The following FAM20B variants were observed in gnomAD, a reference collection of about 807,000 sequenced individuals.
The protein encoded by FAM20B is glycosaminoglycan xylosylkinase.
FAM20B carries 23 observed loss-of-function variants against 43.8 expected under a neutral mutation model. The observed-to-expected ratio is 0.53, with a 90% CI of 0.38 to 0.74. The LOEUF (loss-of-function observed/expected upper bound fraction) is 0.74, where lower values mean the gene tolerates loss of function less well. Among genes scored for constraint, FAM20B ranks in the 30% least tolerant of loss-of-function variants. The probability of loss-of-function intolerance (pLI) is 0.00; values close to 1 mark genes in which losing one functional copy is unlikely to be tolerated. For missense variants in FAM20B, 440 were observed against 510.5 expected (o/e 0.86, Z 1.33); for synonymous variants, 178 against 192.4 (o/e 0.93, Z 0.62).
chr1:179,072,404 G>A lies in FAM20B; in HGVS notation c.*260G>A. On this transcript the variant is annotated 3_prime_UTR_variant, in exon 8 of 8. Transcript: ENST00000263733. ...ATTCTAGGGTTGGGCATCATAGTTG[G>A]TCAGTCTTAATTCCCATGCCAAAGG... 2.1e-6 allele frequency: 1 copy of A among 481,374 alleles called. No individual in the cohort carries two copies. Among genetic ancestry groups the A allele is most frequent in the East Asian group, 3.8e-5 (1 of 26,616 alleles). The allele number at this position is 481,374 out of a possible 1,614,324, so 29.8% of individuals were successfully genotyped here. A position where few individuals can be genotyped will look rare whatever the true frequency, so the allele number is the denominator to read the frequency against.
intron 1 of FAM20B, among the ~76,000 whole-genome samples, chr1:179,041,725 C>T (rs1394277920): frequency 2.3e-5 from 3 of 128,582 alleles, no homozygotes; most frequent in African/African-American, 7.4e-5. Flanking sequence ...AGACGGGAGA[C>T]GGGCCGGGAG....
At chr1:179,060,394 AC>A (rs1651414541) in intron 4 of FAM20B, among the ~76,000 whole-genome samples, 1 of 152,018 alleles carries the variant, frequency 6.6e-6, no homozygotes, top group Admixed American at 6.5e-5. Context: ...GCGGAATAGT[AC>A]CAGTCTGTGG....
chr1:179,070,612 C>T (rs1321522145), intron 7 of FAM20B, among the ~76,000 whole-genome samples: 7 of 149,132 alleles, frequency 4.7e-5, no homozygotes, highest in African/African-American at 1.7e-4. Flanking sequence ...GCAACCTCCA[C>T]CTCCCGGGTT....
intron 1 of FAM20B, among the ~76,000 whole-genome samples, chr1:179,027,396 G>A (rs966345302): frequency 2.0e-5 from 3 of 152,136 alleles, no homozygotes; most frequent in African/African-American, 4.8e-5. Context: ...TCGTTATCAC[G>A]ACTGTCTGAG....
Position 179,025,983 on chromosome 1 carries a change from G to C in FAM20B, c.-249G>C, listed in dbSNP as rs1240983392. The C allele has an allele frequency of 6.8e-6, 1 of 147,236 alleles. No homozygotes were observed. Among genetic ancestry groups the C allele is most frequent in the Non-Finnish European group, 1.5e-5 (1 of 65,750 alleles). 9.1% of individuals were successfully genotyped at this position (147,236 alleles called of 1,614,324 possible). A position where few individuals can be genotyped will look rare whatever the true frequency, so the allele number is the denominator to read the frequency against. ...CGGAGCCGCTGTGGCGGCGGCGGCGGCTGGGGGCGGTGAGCGCGGCGTGGG... is the reference window on the plus strand; with the variant it reads ...CGGAGCCGCTGTGGCGGCGGCGGCGCCTGGGGGCGGTGAGCGCGGCGTGGG... On this transcript the variant is annotated 5_prime_UTR_variant, in exon 1 of 8. Transcript: ENST00000263733.
chr1:179,029,032 C>T (rs113152802), intron 1 of FAM20B, among the ~76,000 whole-genome samples: 8 of 152,348 alleles, frequency 5.3e-5, no homozygotes, highest in African/African-American at 1.9e-4. Context: ...AGGTTCCAGT[C>T]AAGTGCAGCT....
intron 1 of FAM20B, among the ~76,000 whole-genome samples, chr1:179,026,485 G>T (rs1196169435): frequency 3.3e-5 from 5 of 152,146 alleles, no homozygotes; most frequent in Non-Finnish European, 7.4e-5. Context: ...GGTCCCCAGA[G>T]GCGATTGGCC....
intron 2 of FAM20B, among the ~76,000 whole-genome samples, chr1:179,046,674 TAAAG>T (rs766792708): frequency 6.9e-6 from 1 of 145,656 alleles, no homozygotes; most frequent in Non-Finnish European, 1.5e-5. Context: ...ATAAAATAAA[TAAAG>T]AGATGAGTTG....
the FAM20B span, among the ~76,000 whole-genome samples, chr1:179,019,091 G>A: frequency 6.6e-6 from 1 of 152,186 alleles, no homozygotes; most frequent in East Asian, 1.9e-4. Context: ...CACGCACAGT[G>A]GGGAGGGCCA....
intron 1 of FAM20B, among the ~76,000 whole-genome samples, chr1:179,027,007 G>A (rs1649818156): frequency 6.6e-6 from 1 of 152,214 alleles, no homozygotes; most frequent in East Asian, 1.9e-4. Flanking sequence ...GATGGATAAG[G>A]AGTTTCTAAT....
intron 1 of FAM20B, among the ~76,000 whole-genome samples, chr1:179,037,392 A>C (rs1650286305): frequency 6.6e-6 from 1 of 151,966 alleles, no homozygotes; most frequent in South Asian, 2.1e-4. Flanking sequence ...TAGAATCTGC[A>C]GAAGGAAATA....
chr1:179,020,380 C>T, the FAM20B span, among the ~76,000 whole-genome samples: 2 of 152,200 alleles, frequency 1.3e-5, no homozygotes, highest in Non-Finnish European at 2.9e-5. Flanking sequence ...CACCAAGGGG[C>T]AGCATCTGGA....
intron 4 of FAM20B, among the ~76,000 whole-genome samples, chr1:179,062,928 C>G (rs1651530526): frequency 6.6e-6 from 1 of 152,300 alleles, no homozygotes; most frequent in South Asian, 2.1e-4. Context: ...CCTGGGCACT[C>G]TGGCCAAGAT....
At chr1:179,047,117 T>G (rs1163773958) in intron 2 of FAM20B, among the ~76,000 whole-genome samples, 2 of 152,158 alleles carry the variant, frequency 1.3e-5, no homozygotes, top group African/African-American at 2.4e-5. Context: ...TTAGACCAGG[T>G]GCTTTGCAGG....
intron 1 of FAM20B, among the ~76,000 whole-genome samples, chr1:179,033,502 G>A (rs1434254237): frequency 6.6e-6 from 1 of 152,056 alleles, no homozygotes; most frequent in East Asian, 1.9e-4. Context: ...GGTTAATTTA[G>A]TGATTACTCC....
At position 179,071,866 on chromosome 1, in the gene FAM20B, G is replaced by A. The variant is rs145204794; in HGVS notation, c.999-47G>A. On this transcript the variant is annotated intron_variant, in intron 7 of 7. Coordinates refer to ENST00000263733, the MANE Select transcript of FAM20B (RefSeq NM_014864.4). ...GCCTAGCAGGCTTTCAACTCCGTTT[G>A]ATAATGAGAAGTTTTATGTACCTTG... 3.3e-4 allele frequency: 436 copies of A among 1,336,606 alleles called. 3 individuals carry two copies. In the African/African-American group the frequency reaches 5.4e-3, roughly 17 times the overall value. 82.8% of individuals were successfully genotyped at this position (1,336,606 alleles called of 1,614,324 possible). A position where few individuals can be genotyped will look rare whatever the true frequency, so the allele number is the denominator to read the frequency against.
At position 179,044,069 on chromosome 1, in the gene FAM20B, G is replaced by A. The variant is rs11802142; in HGVS notation, c.222G>A (p.Arg74=). ...TTGCAGCCCAGTGGGTGGTTCCCCG[G>A]GAAGTGTACCCTGAAGAGACACCAG... is the stretch of plus-strand genomic sequence containing the variant. ...WEIAAQWVVP[R]EVYPEETPEL... Residue 74 remains arginine (R), a synonymous_variant, in exon 2 of 8, where the codon CGG becomes CGA. Coordinates refer to ENST00000263733, the MANE Select transcript of FAM20B (RefSeq NM_014864.4). The A allele has an allele frequency of 0.026, 42,137 of 1,614,080 alleles. 707 individuals are homozygous for A. The highest frequency in any genetic ancestry group is 0.065 in the Middle Eastern group (391 of 6,062).
At chr1:179,029,017 T>TGTGCAGGTTCCAGTCAA (rs1649902782) in intron 1 of FAM20B, among the ~76,000 whole-genome samples, 1 of 152,264 alleles carries the variant, frequency 6.6e-6, no homozygotes, top group African/African-American at 2.4e-5. Context: ...GGCAGTAGCC[T>TGTGCAGGTTCCAGTCAA]GTGCAGGTTC....
At chr1:179,065,068 A>ATTT (rs1651632994) in intron 6 of FAM20B, among the ~76,000 whole-genome samples, 1 of 151,952 alleles carries the variant, frequency 6.6e-6, no homozygotes, top group African/African-American at 2.4e-5. Flanking sequence ...TTATTTTTTT[A>ATTT]GGCCTGAGCT....
Sources: allele counts gnomAD v4.1 joint callset (sites outside exome capture counted in the v4.1 genomes callset), GRCh38; gene constraint gnomAD v4.1.1; transcripts MANE v1.5; gene names NCBI Gene and HGNC (gene_info 2026-07-23, HGNC 2026-07-21).